The following MDM4 variants were observed in gnomAD, a reference collection of about 807,000 sequenced individuals.
MDM4 encodes MDM4 regulator of p53, also known as protein Mdm4.
In MDM4, 2 loss-of-function variants were observed where a neutral mutation model predicts 60.2. The observed-to-expected ratio is 0.03, with a 90% CI of 0.01 to 0.10. The LOEUF is 0.10. Among genes scored for constraint, MDM4 ranks in the 10% least tolerant of loss-of-function variants. The pLI is 1.00. For missense variants in MDM4, 447 were observed against 577.5 expected (o/e 0.77, Z 2.32); for synonymous variants, 202 against 198.1 (o/e 1.02, Z -0.17).
At position 204,546,856 on chromosome 1, in the gene MDM4, C is replaced by T. The variant is rs773085031; in HGVS notation, c.882C>T (p.Thr294=). The change falls in exon 10 of 11, where the codon ACC becomes ACT. Residue 294 remains threonine, a synonymous_variant. Coordinates refer to ENST00000367182, the MANE Select transcript of MDM4 (RefSeq NM_002393.5). ...LEDSKSLSDD[T]DVEVTSEDEW... is the part of the protein sequence containing the mutation. ...ACTCTAAGTCCTTAAGTGATGATAC[C>T]GATGTAGAGGTTACCTCTGAGGTAT... The T allele has an allele frequency of 3.7e-6, 6 of 1,611,160 alleles. No individual in the cohort carries two copies. The highest frequency in any genetic ancestry group is 1.7e-5 in the Admixed American group (1 of 59,950).
chr1:204,556,752 A>C lies in MDM4; in HGVS notation c.*7070A>C. The C allele has an allele frequency of 4.7e-6, 1 of 214,024 alleles. No homozygotes were observed. Among genetic ancestry groups the C allele is most frequent in the Non-Finnish European group, 9.4e-6 (1 of 106,218 alleles). The allele number at this position is 214,024 out of a possible 1,614,324, so 13.3% of individuals were successfully genotyped here. On this transcript the variant is annotated 3_prime_UTR_variant, in exon 11 of 11. Coordinates refer to ENST00000367182, the MANE Select transcript of MDM4 (RefSeq NM_002393.5). ...TATTTTTTTCTCTGTAGTTTGCCTC[A>C]TTTTTTCACTTTCTTTTCAATGAGA...
In MDM4 at chr1:204,516,442, G is replaced by C. The variant is rs1052528942; in HGVS notation, c.-103G>C. 5.3e-5 allele frequency: 8 copies of C among 152,308 alleles called. No homozygotes were observed. Among genetic ancestry groups the C allele is most frequent in the African/African-American group, 1.9e-4 (8 of 41,460 alleles). The allele number at this position is 152,308 out of a possible 1,614,324, so 9.4% of individuals were successfully genotyped here. A position where few individuals can be genotyped will look rare whatever the true frequency, so the allele number is the denominator to read the frequency against. On this transcript the variant is annotated 5_prime_UTR_variant, in exon 1 of 11. Coordinates refer to ENST00000367182, the MANE Select transcript of MDM4 (RefSeq NM_002393.5). ...TTTCAAAATGCTGCCGAGGCCCTAGGATCTGTGACTGCCACCCCTCCCCCC... is the reference window on the plus strand; with the variant it reads ...TTTCAAAATGCTGCCGAGGCCCTAGCATCTGTGACTGCCACCCCTCCCCCC...
intron 5 of MDM4, chr1:204,537,010 T>C: frequency 3.4e-6 from 1 of 289,918 alleles, no homozygotes; most frequent in South Asian, 3.1e-5. Context: ...GACTTAACAC[T>C]TGAAAGTTGA....
chr1:204,536,759 C>T lies in MDM4; in HGVS notation c.344-671C>T, dbSNP rs564329713. 1.3e-3 allele frequency among the ~76,000 whole-genome samples: 194 copies of T among 152,170 alleles called. No homozygotes were observed. In the Middle Eastern group the frequency reaches 0.024, roughly 19 times the overall value. On this transcript the variant is annotated intron_variant, in intron 5 of 10. Coordinates refer to ENST00000367182, the MANE Select transcript of MDM4 (RefSeq NM_002393.5). ...GAATTTCTCTGTACTGTGTTGTTTT[C>T]CTTGGTTCTTTTTATTGGCCTTGAG... is the stretch of plus-strand genomic sequence containing the variant.
intron 1 of MDM4, among the ~76,000 whole-genome samples, chr1:204,518,378 G>C (rs760302987): frequency 5.9e-5 from 9 of 152,078 alleles, no homozygotes; most frequent in Non-Finnish European, 8.8e-5. Flanking sequence ...AATCTTCCCA[G>C]TTTAATCTTC....
At chr1:204,533,730 G>C (rs557221204) in intron 5 of MDM4, among the ~76,000 whole-genome samples, 24 of 151,668 alleles carry the variant, frequency 1.6e-4, no homozygotes, top group African/African-American at 5.6e-4. Context: ...GAAATAAGTA[G>C]GTTGAGAAGA....
At chr1:204,548,016 C>T (rs1662839620) in intron 10 of MDM4, among the ~76,000 whole-genome samples, 2 of 152,248 alleles carry the variant, frequency 1.3e-5, no homozygotes, top group Non-Finnish European at 2.9e-5. Flanking sequence ...GCCACCACTC[C>T]CGGCCATGTT....
Position 204,524,435 on chromosome 1 carries a change from C to T in MDM4, c.-35-1049C>T, listed in dbSNP as rs115099342. Among the ~76,000 whole-genome samples the T allele has an allele frequency of 7.0e-3, 1,069 of 152,268 alleles. 8 individuals carry two copies. Among genetic ancestry groups the T allele is most frequent in the African/African-American group, 0.024 (1,000 of 41,560 alleles). On this transcript the variant is annotated intron_variant, in intron 1 of 10. Transcript: ENST00000367182. Reference sequence around the variant, plus strand: ...TAGTCATCAGTTTTAATAATTGTTGCCTTTTGTTAGAAAAAGGCATAAATG... The same window carrying T: ...TAGTCATCAGTTTTAATAATTGTTGTCTTTTGTTAGAAAAAGGCATAAATG...
At chr1:204,519,630 AG>A (rs1238775414) in intron 1 of MDM4, among the ~76,000 whole-genome samples, 3 of 151,726 alleles carry the variant, frequency 2.0e-5, no homozygotes, top group Non-Finnish European at 4.4e-5. Flanking sequence ...GCTTTAGCTC[AG>A]AATTTGAGAC....
In MDM4 at chr1:204,554,776, C is replaced by T. The variant is rs1015010187; in HGVS notation, c.*5094C>T. The T allele has an allele frequency of 8.8e-6, 2 of 226,680 alleles. No homozygotes were observed. The highest frequency in any genetic ancestry group is 1.8e-5 in the Non-Finnish European group (2 of 114,046). 14.0% of individuals were successfully genotyped at this position (226,680 alleles called of 1,614,324 possible). ...CTTTCTTTTGACAGAAATTTTCATT[C>T]TGCTTGCCATTGCTATATTCTCCCT... On this transcript the variant is annotated 3_prime_UTR_variant, in exon 11 of 11. Coordinates refer to ENST00000367182, the MANE Select transcript of MDM4 (RefSeq NM_002393.5).
intron 1 of MDM4, among the ~76,000 whole-genome samples, chr1:204,517,146 G>A (rs1239208250): frequency 6.6e-6 from 1 of 152,000 alleles, no homozygotes; most frequent in East Asian, 2.0e-4. Context: ...GGGAGGCTGA[G>A]GCAGGAGAAT....
At chr1:204,547,468 AG>A (rs777055843) in intron 10 of MDM4, among the ~76,000 whole-genome samples, 23 of 152,308 alleles carry the variant, frequency 1.5e-4, no homozygotes, top group Non-Finnish European at 3.4e-4. Flanking sequence ...TGTTTCTTTT[AG>A]TCTTGCCACA....
chr1:204,544,732 TATC>T, intron 9 of MDM4, 48 bp downstream of exon 9: 1 of 1,546,430 alleles, frequency 6.5e-7, no homozygotes, highest in Non-Finnish European at 8.8e-7. Flanking sequence ...GTGCTCATAG[TATC>T]ATCTGTTGAG....
At chr1:204,544,281 T>G (rs1006644973) in intron 8 of MDM4, among the ~76,000 whole-genome samples, 2 of 152,246 alleles carry the variant, frequency 1.3e-5, no homozygotes, top group African/African-American at 4.8e-5. Flanking sequence ...TCAGTACTGT[T>G]TCTTAGGTGT....
At chr1:204,535,019 A>G (rs1661257708) in intron 5 of MDM4, among the ~76,000 whole-genome samples, 1 of 152,036 alleles carries the variant, frequency 6.6e-6, no homozygotes, top group Non-Finnish European at 1.5e-5. Context: ...ATCTCTGTTG[A>G]TTTTTGTGAT....
At chr1:204,547,379 T>G (rs1477026823) in intron 10 of MDM4, among the ~76,000 whole-genome samples, 2 of 152,230 alleles carry the variant, frequency 1.3e-5, no homozygotes, top group Non-Finnish European at 2.9e-5. Flanking sequence ...CTTAGGTTAA[T>G]AGGGATGGAT....
chr1:204,531,326 A>T (rs1050953163), intron 4 of MDM4, among the ~76,000 whole-genome samples: 5 of 152,194 alleles, frequency 3.3e-5, no homozygotes, highest in African/African-American at 9.7e-5. Context: ...GAGTGAGCAG[A>T]TGAGAGAAAT....
rs975535513 is a variant in MDM4 at position 204,536,246 on chromosome 1, C to T, written c.344-1184C>T. ...CAGCCAGGGTGACAGAGCAAGACTC[C>T]GTCTCAAACAAACAAAAAAATTGCT... On this transcript the variant is annotated intron_variant, in intron 5 of 10. Coordinates refer to ENST00000367182, the MANE Select transcript of MDM4 (RefSeq NM_002393.5). 3.3e-5 allele frequency among the ~76,000 whole-genome samples: 5 copies of T among 152,144 alleles called. No individual in the cohort carries two copies. In the East Asian group the frequency reaches 5.8e-4, roughly 18 times the overall value.
intron 1 of MDM4, among the ~76,000 whole-genome samples, chr1:204,518,010 A>T (rs1452450686): frequency 6.6e-6 from 1 of 152,152 alleles, no homozygotes; most frequent in Non-Finnish European, 1.5e-5. Flanking sequence ...AAAATAAAAA[A>T]ATCAGTGTCA....
Sources: gnomAD v4.1 joint callset for allele counts (sites outside exome capture counted in the v4.1 genomes callset) on GRCh38, gnomAD v4.1.1 for gene constraint, MANE v1.5 for transcripts, NCBI Gene and HGNC (gene_info 2026-07-23, HGNC 2026-07-21) for gene names.